PKN2: variants seen among roughly 807,000 people sequenced by gnomAD.
PKN2 encodes the protein serine/threonine-protein kinase N2.
A neutral mutation model predicts 119.1 loss-of-function variants in PKN2; 38 were observed. The observed-to-expected ratio is 0.32, with a 90% CI of 0.25 to 0.42. PKN2 has a LOEUF of 0.42. PKN2 is among the 10% of genes least tolerant of loss of function. The pLI, the probability that PKN2 is intolerant of heterozygous loss-of-function variation, is 1.00. For synonymous variants in PKN2, 390 were observed against 384.9 expected, an observed-to-expected ratio of 1.01 and a Z score of -0.15; for missense variants, 850 against 1,165.1, an observed-to-expected ratio of 0.73 and a Z score of 3.94.
chr1:88,748,621 G>T (rs1668864900), intron 2 of PKN2, among the ~76,000 whole-genome samples: 1 of 152,156 alleles, frequency 6.6e-6, no homozygotes, highest in Non-Finnish European at 1.5e-5. Context: ...GCTGAGTCAT[G>T]TGGTAACATA....
intron 19 of PKN2, 133 bp from the exon 20 acceptor site, chr1:88,832,611 T>C (rs1672776810): frequency 5.3e-6 from 3 of 564,960 alleles, no homozygotes; most frequent in Non-Finnish European, 6.2e-6. Flanking sequence ...GGGTTTATTG[T>C]TGTTGTTGTT....
intron 4 of PKN2, 37 bp downstream of exon 4, chr1:88,770,506 A>T (rs1335692329): frequency 4.7e-6 from 5 of 1,054,176 alleles, no homozygotes; most frequent in Admixed American, 1.7e-5. Context: ...TATGAGCATA[A>T]TGGTGCTAAA....
chr1:88,759,478 A>G (rs1000347268), intron 2 of PKN2, among the ~76,000 whole-genome samples: 8 of 152,152 alleles, frequency 5.3e-5, no homozygotes, highest in African/African-American at 1.9e-4. Flanking sequence ...GGCCACATGT[A>G]TGTCTTTTCA....
chr1:88,735,384 G>C (rs1258146645), intron 1 of PKN2, among the ~76,000 whole-genome samples: 1 of 151,886 alleles, frequency 6.6e-6, no homozygotes, highest in Non-Finnish European at 1.5e-5. Flanking sequence ...AAGGCCTTGA[G>C]CTCCTGAGCT....
intron 6 of PKN2, among the ~76,000 whole-genome samples, chr1:88,777,873 G>A (rs1670168231): frequency 6.6e-6 from 1 of 152,166 alleles, no homozygotes; most frequent in African/African-American, 2.4e-5. Context: ...CAGTAGATAA[G>A]AAACATTTAC....
At chr1:88,758,038 C>CAAA (rs33914457) in intron 2 of PKN2, among the ~76,000 whole-genome samples, 1,026 of 58,192 alleles carry the variant, frequency 0.018, no homozygotes, top group Non-Finnish European at 0.024. Flanking sequence ...GAGACTATCT[C>CAAA]AAAAAAAAAA....
At chr1:88,704,433 A>C (rs1043508051) in intron 1 of PKN2, among the ~76,000 whole-genome samples, 5 of 152,168 alleles carry the variant, frequency 3.3e-5, no homozygotes, top group Non-Finnish European at 7.3e-5. Flanking sequence ...AGATATTACA[A>C]ATAAAGATGT....
chr1:88,784,151 TTTTG>T (rs1670471070), intron 6 of PKN2, among the ~76,000 whole-genome samples: 2 of 148,676 alleles, frequency 1.3e-5, no homozygotes. Flanking sequence ...TTTTTTTTTT[TTTTG>T]GAGAGAGAGT....
intron 1 of PKN2, among the ~76,000 whole-genome samples, chr1:88,693,065 G>A (rs1466775098): frequency 6.6e-6 from 1 of 152,178 alleles, no homozygotes; most frequent in East Asian, 1.9e-4. Context: ...TAGTTAATGA[G>A]TAAATTCAGA....
intron 2 of PKN2, among the ~76,000 whole-genome samples, chr1:88,759,302 G>T (rs564208031): frequency 6.6e-6 from 1 of 152,212 alleles, no homozygotes; most frequent in Non-Finnish European, 1.5e-5. Context: ...GGCAGAGGTT[G>T]CAGTGAGCCA....
At chr1:88,697,386 G>C (rs1192192766) in intron 1 of PKN2, among the ~76,000 whole-genome samples, 5 of 152,084 alleles carry the variant, frequency 3.3e-5, no homozygotes, top group African/African-American at 4.8e-5. Flanking sequence ...TTCTTCCCCT[G>C]GCTGCTAGAA....
intron 14 of PKN2, 36 bp downstream of exon 14, chr1:88,807,640 ATT>A: frequency 6.4e-7 from 1 of 1,571,532 alleles, no homozygotes; most frequent in Non-Finnish European, 8.7e-7. Flanking sequence ...TATCTACAAC[ATT>A]AATAACTCAA....
intron 1 of PKN2, among the ~76,000 whole-genome samples, chr1:88,724,772 C>G (rs1667829638): frequency 1.3e-5 from 2 of 151,502 alleles, no homozygotes; most frequent in Non-Finnish European, 2.9e-5. Context: ...CAGGGTTTCA[C>G]CATGTTGGCC....
intron 1 of PKN2, among the ~76,000 whole-genome samples, chr1:88,723,418 C>CT (rs1170855197): frequency 1.3e-5 from 2 of 148,352 alleles, no homozygotes; most frequent in South Asian, 2.3e-4. Context: ...CTGCCCCCCC[C>CT]CCTTTTATTT....
chr1:88,780,996 T>G, intron 6 of PKN2: 1 of 705,718 alleles, frequency 1.4e-6, no homozygotes, highest in Non-Finnish European at 1.7e-6. Flanking sequence ...CAAAGTTATA[T>G]AAGTCACCAA....
At chr1:88,804,289 G>GT in intron 8 of PKN2, 102 bp from the exon 9 acceptor site, 2 of 910,084 alleles carry the variant, frequency 2.2e-6, no homozygotes, top group Non-Finnish European at 3.3e-6. Context: ...TGTAATTTTT[G>GT]TTTATTGTAT....
At chr1:88,808,263 G>A (rs1671634266) in intron 15 of PKN2, among the ~76,000 whole-genome samples, 1 of 151,736 alleles carries the variant, frequency 6.6e-6, no homozygotes. Context: ...GTCTAATAAA[G>A]TAAGTTGTGG....
At chr1:88,792,912 G>A (rs897155444) in intron 8 of PKN2, among the ~76,000 whole-genome samples, 1 of 152,144 alleles carries the variant, frequency 6.6e-6, no homozygotes, top group African/African-American at 2.4e-5. Flanking sequence ...CAAGGTTTAT[G>A]GTATTGCATT....
intron 8 of PKN2, among the ~76,000 whole-genome samples, chr1:88,796,138 C>G (rs567951435): frequency 6.6e-6 from 1 of 152,216 alleles, no homozygotes; most frequent in South Asian, 2.1e-4. Flanking sequence ...TACTTGGGAC[C>G]AGAAGTATTT....
Sources: gnomAD v4.1 joint callset for allele counts (sites outside exome capture counted in the v4.1 genomes callset) on GRCh38, gnomAD v4.1.1 for gene constraint, MANE v1.5 for transcripts, NCBI Gene and HGNC (gene_info 2026-07-23, HGNC 2026-07-21) for gene names.